Variants in PAFAH1B3 observed in about 807,000 individuals in gnomAD.
The protein encoded by PAFAH1B3 is platelet-activating factor acetylhydrolase IB subunit alpha1.
In PAFAH1B3, 15 loss-of-function variants were observed where a neutral mutation model predicts 24.4. That is an observed-to-expected ratio of 0.62 (90% CI 0.41 to 0.95). PAFAH1B3 has a LOEUF of 0.95. Among genes scored for constraint, PAFAH1B3 ranks in the 40% least tolerant of loss-of-function variants. The probability of loss-of-function intolerance (pLI) is 0.00; values close to 1 mark genes in which losing one functional copy is unlikely to be tolerated. For missense variants in PAFAH1B3, 266 were observed against 312.2 expected (o/e 0.85, Z 1.12); for synonymous variants, 144 against 126.5 (o/e 1.14, Z -0.93).
chr19:42,301,524 T>C (rs2038625930), intron 2 of PAFAH1B3, among the ~76,000 whole-genome samples: 1 of 152,208 alleles, frequency 6.6e-6, no homozygotes, highest in South Asian at 2.1e-4. Context: ...TGAAACTTAT[T>C]TTGATGAAAC....
rs748735569 is a variant in PAFAH1B3 at position 42,302,301 on chromosome 19, T to G, written c.9A>C (p.Gly3=). ...TGGGCTTGCTGGCTGGGTTCTCCTC[T>G]CCACTCATCTTGGCGCCGCAGCTCC... MS[G]EENPASKPTP... is the part of the protein sequence containing the mutation. The change falls in exon 1 of 5, where the codon GGA becomes GGC. Residue 3 remains glycine, a synonymous_variant. Transcript: ENST00000262890. The G allele has an allele frequency of 9.3e-6, 15 of 1,604,444 alleles. No homozygotes were observed. The South Asian group carries it at 1.5e-4, about 16-fold the overall frequency.
At chr19:42,300,414 G>A (rs773299119) in intron 2 of PAFAH1B3, 127 bp from the exon 3 acceptor site, 8 of 800,146 alleles carry the variant, frequency 1.0e-5, no homozygotes, top group Non-Finnish European at 1.6e-5. Context: ...CATGGAAGCA[G>A]TCTTAAAATT....
At chr19:42,300,379 A>G in intron 2 of PAFAH1B3, 92 bp from the exon 3 acceptor site, 1 of 1,076,980 alleles carries the variant, frequency 9.3e-7, no homozygotes, top group South Asian at 1.3e-5. Flanking sequence ...TGTTAACCAA[A>G]TGCCATTATG....
rs570602740 is a variant in PAFAH1B3, at chr19:42,302,418, C to G, written c.-109G>C. 1.6e-5 allele frequency: 16 copies of G among 980,488 alleles called. No homozygotes were observed. Among genetic ancestry groups the G allele is most frequent in the Non-Finnish European group, 2.4e-5 (16 of 671,434 alleles). 60.7% of individuals were successfully genotyped at this position (980,488 alleles called of 1,614,324 possible). On this transcript the variant is annotated 5_prime_UTR_variant, in exon 1 of 5. Transcript: ENST00000262890. ...CCTACCCCTCGCGGCAACAAAGGACCGTCCCAACGCTAGCACACCCGCGGA... is the reference window on the plus strand; with the variant it reads ...CCTACCCCTCGCGGCAACAAAGGACGGTCCCAACGCTAGCACACCCGCGGA...
intron 4 of PAFAH1B3, among the ~76,000 whole-genome samples, chr19:42,297,570 G>C (rs184897224): frequency 6.7e-6 from 1 of 149,136 alleles, no homozygotes. Flanking sequence ...ACCCTCTTTC[G>C]TTTTCTTTTT....
At position 42,302,481 on chromosome 19, in the gene PAFAH1B3, G is replaced by A. The variant is rs2038651923; in HGVS notation, c.-172C>T. ...ATACAGGGCGCCGCCTCCTCTCCAG[G>A]GACGGAAGCCTTCACTTAGGAGGTA... is the stretch of plus-strand genomic sequence containing the variant. On this transcript the variant is annotated 5_prime_UTR_variant, in exon 1 of 5. Coordinates refer to ENST00000262890, the MANE Select transcript of PAFAH1B3 (RefSeq NM_002573.4). The A allele has an allele frequency of 8.4e-6, 5 of 597,500 alleles. No homozygotes were observed. In the Admixed American group the frequency reaches 1.3e-4, roughly 16 times the overall value. 37.0% of individuals were successfully genotyped at this position (597,500 alleles called of 1,614,324 possible).
At chr19:42,299,920 G>T in intron 4 of PAFAH1B3, 50 bp downstream of exon 4, 1 of 1,609,554 alleles carries the variant, frequency 6.2e-7, no homozygotes, top group Non-Finnish European at 8.5e-7. Flanking sequence ...ATATCTGAGG[G>T]GGTCCCAGAC....
chr19:42,300,674 C>G (rs542963185), intron 2 of PAFAH1B3, among the ~76,000 whole-genome samples: 1 of 152,086 alleles, frequency 6.6e-6, no homozygotes, highest in Non-Finnish European at 1.5e-5. Flanking sequence ...TACGCCACCA[C>G]GTCCAGCTAA....
rs376453733 is a variant in PAFAH1B3 at position 42,302,193 on chromosome 19, G to A, written c.78+39C>T. 5.2e-5 allele frequency: 80 copies of A among 1,545,078 alleles called. No individual in the cohort carries two copies. In the African/African-American group the frequency reaches 1.0e-3, roughly 19 times the overall value. ...GCCGTTCTCCTGAGCCACCCCCCGC[G>A]CCCCCGGACTCCTCAATATCCCAGG... On this transcript the variant is annotated intron_variant, in intron 1 of 4. Coordinates refer to ENST00000262890, the MANE Select transcript of PAFAH1B3 (RefSeq NM_002573.4).
In PAFAH1B3 at chr19:42,297,303, C is replaced by T; in HGVS notation, c.471G>A (p.Glu157=). ...PLREKNRQVN[E]LVRAALAGHP... is the part of the protein sequence containing the mutation. ...GGCCAGCCAGTGCCGCCCGTACCAGCTCGTTCACCTGTCGGTTCTTCTCCC... is the reference window on the plus strand; with the variant it reads ...GGCCAGCCAGTGCCGCCCGTACCAGTTCGTTCACCTGTCGGTTCTTCTCCC... Residue 157 remains glutamate (E), a synonymous_variant, in exon 5 of 5, where the codon GAG becomes GAA. Transcript: ENST00000262890. 1.9e-6 allele frequency: 3 copies of T among 1,613,848 alleles called. No homozygotes were observed. Among genetic ancestry groups the T allele is most frequent in the Non-Finnish European group, 2.5e-6 (3 of 1,179,756 alleles).
At chr19:42,299,109 C>T (rs1416270394) in intron 4 of PAFAH1B3, among the ~76,000 whole-genome samples, 3 of 150,480 alleles carry the variant, frequency 2.0e-5, no homozygotes, top group Non-Finnish European at 3.0e-5. Flanking sequence ...GCGTGAGCCA[C>T]CGCACCCGGC....
chr19:42,302,194 C>T, intron 1 of PAFAH1B3, 38 bp downstream of exon 1: 6 of 1,548,476 alleles, frequency 3.9e-6, no homozygotes, highest in Non-Finnish European at 3.5e-6. Context: ...ACCCCCCGCG[C>T]CCCCGGACTC....
intron 2 of PAFAH1B3, 41 bp downstream of exon 2, chr19:42,301,909 C>T (rs1325833728): frequency 6.7e-7 from 1 of 1,493,488 alleles, no homozygotes; most frequent in Non-Finnish European, 9.1e-7. Flanking sequence ...TCAGCATGGA[C>T]ACAGGGCTGG....
chr19:42,302,547 C>G lies in PAFAH1B3; in HGVS notation c.-238G>C. ...CTTCGCTTCCCCCACGACGGCCGCA[C>G]AGTGGGCTCGCCCGGCGCTTCCCGC... On this transcript the variant is annotated 5_prime_UTR_variant, in exon 1 of 5. Coordinates refer to ENST00000262890, the MANE Select transcript of PAFAH1B3 (RefSeq NM_002573.4). The G allele has an allele frequency of 2.1e-6, 1 of 483,464 alleles. No homozygotes were observed. The highest frequency in any genetic ancestry group is 2.8e-5 in the South Asian group (1 of 35,618). The allele number at this position is 483,464 out of a possible 1,614,324, so 29.9% of individuals were successfully genotyped here. A position where few individuals can be genotyped will look rare whatever the true frequency, so the allele number is the denominator to read the frequency against.
chr19:42,302,126 G>A, intron 1 of PAFAH1B3, 87 bp from the exon 2 acceptor site: 1 of 1,489,528 alleles, frequency 6.7e-7, no homozygotes, highest in Non-Finnish European at 9.2e-7. Context: ...CTCCTCAACT[G>A]CCCTCAGTTT....
intron 1 of PAFAH1B3, 90 bp from the exon 2 acceptor site, chr19:42,302,129 C>G (rs2038640645): frequency 6.7e-7 from 1 of 1,492,962 alleles, no homozygotes; most frequent in South Asian, 1.2e-5. Context: ...CTCAACTGCC[C>G]TCAGTTTCCC....
rs1384259660 is a variant in PAFAH1B3 at position 42,302,450 on chromosome 19, A to G, written c.-141T>C. 1 of 691,276 alleles carries G rather than the reference A, an allele frequency of 1.4e-6. No individual in the cohort carries two copies. Among genetic ancestry groups the G allele is most frequent in the Non-Finnish European group, 2.4e-6 (1 of 421,014 alleles). The allele number at this position is 691,276 out of a possible 1,614,324, so 42.8% of individuals were successfully genotyped here. ...ACGCTAGCACACCCGCGGAGGACGA[A>G]GGCCGATACAGGGCGCCGCCTCCTC... On this transcript the variant is annotated 5_prime_UTR_variant, in exon 1 of 5. Transcript: ENST00000262890.
chr19:42,302,525 CG>C lies in PAFAH1B3; in HGVS notation c.-217del, dbSNP rs1325988453. ...GGAGGTAGGTGGAATCAGGAACCTT[CG>C]CTTCCCCCACGACGGCCGCACAGTG... On this transcript the variant is annotated 5_prime_UTR_variant, in exon 1 of 5. Coordinates refer to ENST00000262890, the MANE Select transcript of PAFAH1B3 (RefSeq NM_002573.4). 3.8e-6 allele frequency: 2 copies of C among 528,150 alleles called. No individual in the cohort carries two copies. The highest frequency in any genetic ancestry group is 3.9e-5 in the African/African-American group (2 of 51,560). The allele number at this position is 528,150 out of a possible 1,614,324, so 32.7% of individuals were successfully genotyped here.
At chr19:42,298,390 C>G (rs576886141) in intron 4 of PAFAH1B3, among the ~76,000 whole-genome samples, 55 of 152,160 alleles carry the variant, frequency 3.6e-4, no homozygotes, top group Non-Finnish European at 6.2e-4. Context: ...ACTGTGAAGG[C>G]TGAGGCAGGA....
Sources: allele counts gnomAD v4.1 joint callset (sites outside exome capture counted in the v4.1 genomes callset), GRCh38; gene constraint gnomAD v4.1.1; transcripts MANE v1.5; gene names NCBI Gene and HGNC (gene_info 2026-07-23, HGNC 2026-07-21).